The following SORBS2 variants were observed in gnomAD, a reference collection of about 807,000 sequenced individuals.
The protein encoded by SORBS2 is sorbin and SH3 domain-containing protein 2.
In SORBS2, 46 loss-of-function variants were observed where a neutral mutation model predicts 97.7. That is an observed-to-expected ratio of 0.47 (90% confidence interval 0.37 to 0.60). SORBS2 has a LOEUF of 0.60. Ranked by LOEUF, SORBS2 falls within the 20% of genes least tolerant of loss-of-function variation. The pLI is 0.00. For missense variants in SORBS2, 1,316 were observed against 1,282.3 expected (o/e 1.03, Z -0.40); for synonymous variants, 476 against 473.4 (o/e 1.01, Z -0.07).
chr4:185,711,854 C>T (rs1421688179), intron 2 of SORBS2, among the ~76,000 whole-genome samples: 2 of 152,100 alleles, frequency 1.3e-5, no homozygotes. Context: ...GCACAAGCTG[C>T]CCAACACCAC....
In SORBS2 at chr4:185,817,050, G is replaced by T. The variant is rs1272081214; in HGVS notation, c.-337-41684C>A. Among the ~76,000 whole-genome samples the T allele has an allele frequency of 2.6e-5, 4 of 152,246 alleles. No homozygotes were observed. In the East Asian group the frequency reaches 7.7e-4, roughly 29 times the overall value. Reference sequence around the variant, plus strand: ...AGTCTGGAGAGCCCGGTCTTTACTGGCTAATAATAACAACATTGTTTTAAA... The same window carrying T: ...AGTCTGGAGAGCCCGGTCTTTACTGTCTAATAATAACAACATTGTTTTAAA... On this transcript the variant is annotated intron_variant, in intron 1 of 20. Coordinates refer to the SORBS2 transcript ENST00000284776.
chr4:185,599,208 A>C (rs1219025071), intron 12 of SORBS2, among the ~76,000 whole-genome samples: 2 of 152,200 alleles, frequency 1.3e-5, no homozygotes, highest in African/African-American at 4.8e-5. Flanking sequence ...GAAATGCAGA[A>C]GCACGGCCAT....
chr4:185,894,596 G>A (rs1176662556), intron 1 of SORBS2, among the ~76,000 whole-genome samples: 1 of 152,150 alleles, frequency 6.6e-6, no homozygotes, highest in Non-Finnish European at 1.5e-5. Flanking sequence ...GCACCCAGAT[G>A]TCTTACCTCG....
chr4:185,687,247 C>T (rs2097983094), intron 2 of SORBS2, among the ~76,000 whole-genome samples: 1 of 152,070 alleles, frequency 6.6e-6, no homozygotes, highest in African/African-American at 2.4e-5. Context: ...AGGCTTGTCT[C>T]CAACACCTGG....
At chr4:185,820,058 G>T (rs563208337) in intron 1 of SORBS2, among the ~76,000 whole-genome samples, 1 of 152,252 alleles carries the variant, frequency 6.6e-6, no homozygotes, top group South Asian at 2.1e-4. Flanking sequence ...CTTGAATTTT[G>T]TATCTTTGAT....
intron 1 of SORBS2, among the ~76,000 whole-genome samples, chr4:185,816,544 G>C (rs531383918): frequency 3.3e-5 from 5 of 152,320 alleles, no homozygotes; most frequent in Admixed American, 3.3e-4. Flanking sequence ...TGACTTAGGA[G>C]GAGGATTGAA....
At chr4:185,662,030 C>T (rs1256718659) in intron 5 of SORBS2, 74 bp downstream of exon 8, 4 of 1,543,544 alleles carry the variant, frequency 2.6e-6, no homozygotes, top group East Asian at 2.3e-5. Flanking sequence ...ACCTTGATGC[C>T]GCATATCTTT....
chr4:185,649,085 C>T (rs2097265407), intron 3 of SORBS2, among the ~76,000 whole-genome samples: 1 of 152,282 alleles, frequency 6.6e-6, no homozygotes, highest in South Asian at 2.1e-4. Context: ...GAATAACTTT[C>T]CCTGCTTTCA....
chr4:185,726,767 G>T (rs1411803275), intron 2 of SORBS2, among the ~76,000 whole-genome samples: 1 of 151,980 alleles, frequency 6.6e-6, no homozygotes, highest in Non-Finnish European at 1.5e-5. Flanking sequence ...GAAAGTTATA[G>T]AAACAGATGA....
chr4:185,923,039 C>G (rs2099261671), intron 1 of SORBS2, among the ~76,000 whole-genome samples: 1 of 152,160 alleles, frequency 6.6e-6, no homozygotes, highest in South Asian at 2.1e-4. Context: ...TCAGTTCTCT[C>G]CTCTGTAGAA....
rs2096547023 is a variant in SORBS2, at chr4:185,612,051, T to C, written c.2596-71A>G. On this transcript the variant is annotated intron_variant, in intron 11 of 14. Transcript: ENST00000418609. The stretch of plus-strand genomic sequence containing the variant: ...ACATGAAAATATAATTGTCAATGTT[T>C]TCTATGAAAAAATAGGTTTCCATTT... The C allele has an allele frequency of 2.6e-6, 3 of 1,162,776 alleles. No individual in the cohort carries two copies. The East Asian group carries it at 7.6e-5, about 30-fold the overall frequency. The allele number at this position is 1,162,776 out of a possible 1,614,324, so 72.0% of individuals were successfully genotyped here.
chr4:185,743,120 C>T (rs527776591), intron 2 of SORBS2, among the ~76,000 whole-genome samples: 12 of 152,288 alleles, frequency 7.9e-5, no homozygotes, highest in African/African-American at 2.4e-4. Context: ...GTTGAGGTTC[C>T]GGAGTGCTAC....
chr4:185,683,508 C>T (rs2097905169), intron 2 of SORBS2, among the ~76,000 whole-genome samples: 1 of 152,148 alleles, frequency 6.6e-6, no homozygotes, highest in South Asian at 2.1e-4. Flanking sequence ...ATTCCTGTTT[C>T]TCATGGTATC....
At position 185,938,222 on chromosome 4, in the gene SORBS2, T is replaced by G. The variant is rs552024863; in HGVS notation, c.-338+17974A>C. On this transcript the variant is annotated intron_variant, in intron 1 of 20. Transcript: ENST00000284776. ...CAGGTTGGCCAGGCTAGTCTCGAAC[T>G]TCGGACCTCAGGTCATCCACCCGCC... Among the ~76,000 whole-genome samples, 334 of 152,058 alleles carry G rather than the reference T, an allele frequency of 2.2e-3. 1 individual carries two copies. Among genetic ancestry groups the G allele is most frequent in the African/African-American group, 7.9e-3 (328 of 41,532 alleles).
At chr4:185,792,598 G>A (rs1363212003) in intron 1 of SORBS2, among the ~76,000 whole-genome samples, 1 of 151,904 alleles carries the variant, frequency 6.6e-6, no homozygotes, top group African/African-American at 2.4e-5. Context: ...ATATGAACAA[G>A]CAAAGAGAAG....
At chr4:185,736,709 G>A (rs1299941098) in intron 2 of SORBS2, among the ~76,000 whole-genome samples, 4 of 152,038 alleles carry the variant, frequency 2.6e-5, no homozygotes, top group African/African-American at 4.8e-5. Flanking sequence ...CAACCCACCC[G>A]ATGACACCAG....
chr4:185,908,304 T>C (rs1206141012), intron 1 of SORBS2, among the ~76,000 whole-genome samples: 4 of 95,506 alleles, frequency 4.2e-5, no homozygotes, highest in Admixed American at 9.8e-5. Context: ...TATATATATA[T>C]ATATATATAT....
At chr4:185,954,887 A>G (rs2099278883) in intron 1 of SORBS2, among the ~76,000 whole-genome samples, 1 of 152,100 alleles carries the variant, frequency 6.6e-6, no homozygotes, top group African/African-American at 2.4e-5. Flanking sequence ...GAACCAGATA[A>G]GTGGCAGTGA....
At chr4:185,674,491 C>T (rs1248898747) in intron 4 of SORBS2, among the ~76,000 whole-genome samples, 1 of 152,132 alleles carries the variant, frequency 6.6e-6, no homozygotes, top group Non-Finnish European at 1.5e-5. Context: ...CTCCTTGCCC[C>T]ACTATGGTAC....
Sources: gnomAD v4.1 joint callset for allele counts (sites outside exome capture counted in the v4.1 genomes callset) on GRCh38, gnomAD v4.1.1 for gene constraint, MANE v1.5 for transcripts, NCBI Gene and HGNC (gene_info 2026-07-23, HGNC 2026-07-21) for gene names.